The following NCALD variants were observed in gnomAD, a reference collection of about 807,000 sequenced individuals.
NCALD encodes the protein neurocalcin delta, also known as neurocalcin-delta.
A neutral mutation model predicts 18.6 loss-of-function variants in NCALD; 10 were observed. The ratio of observed to expected loss-of-function variants is 0.54; its 90% confidence interval spans 0.33 to 0.91. The LOEUF is 0.91. Among genes scored for constraint, NCALD ranks in the 40% least tolerant of loss-of-function variants. NCALD has a pLI of 0.03. For missense variants in NCALD, 184 were observed against 247.6 expected (o/e 0.74, Z 1.72); for synonymous variants, 88 against 87.4 (o/e 1.01, Z -0.04).
At chr8:101,701,490 G>A (rs770556167) in intron 2 of NCALD, among the ~76,000 whole-genome samples, 3 of 152,200 alleles carry the variant, frequency 2.0e-5, no homozygotes, top group Non-Finnish European at 4.4e-5. Flanking sequence ...AGCCAGGCTT[G>A]AGACAGCTCC....
In NCALD at chr8:101,947,487, T is replaced by C. The variant is rs529133055; in HGVS notation, c.-156-31629A>G. Among the ~76,000 whole-genome samples, 8 of 152,206 alleles carry C rather than the reference T, an allele frequency of 5.3e-5. No homozygotes were observed. In the East Asian group the frequency reaches 1.2e-3, roughly 22 times the overall value. ...CTGGCTCCTTCTGACTTCTTTCTGT[T>C]CCCTAATTTAAAAAAATTATTAAAG... On this transcript the variant is annotated intron_variant, in intron 2 of 6. Coordinates refer to the NCALD transcript ENST00000311028.
chr8:101,696,541 A>G (rs1304183416), intron 2 of NCALD, among the ~76,000 whole-genome samples: 2 of 152,216 alleles, frequency 1.3e-5, no homozygotes, highest in Non-Finnish European at 2.9e-5. Flanking sequence ...AAGGAGGTCA[A>G]CAGAGTGTGG....
At chr8:101,956,740 A>C (rs1819642414) in intron 2 of NCALD, among the ~76,000 whole-genome samples, 1 of 152,144 alleles carries the variant, frequency 6.6e-6, no homozygotes, top group Admixed American at 6.6e-5. Context: ...CCCCTACATA[A>C]CCTCACAAAA....
chr8:102,041,625 C>G (rs537641537), intron 1 of NCALD, among the ~76,000 whole-genome samples: 5 of 152,334 alleles, frequency 3.3e-5, no homozygotes, highest in African/African-American at 1.2e-4. Flanking sequence ...CTTTCAAAGC[C>G]AGTTTGATAC....
intron 4 of NCALD, among the ~76,000 whole-genome samples, chr8:101,842,455 T>C (rs1814684932): frequency 6.6e-6 from 1 of 152,246 alleles, no homozygotes; most frequent in Admixed American, 6.5e-5. Context: ...TTTGCTTTTA[T>C]CACTAACAAG....
chr8:102,074,538 A>G (rs1447470216), intron 1 of NCALD, among the ~76,000 whole-genome samples: 1 of 152,158 alleles, frequency 6.6e-6, no homozygotes, highest in Non-Finnish European at 1.5e-5. Context: ...ATTCTCTTCA[A>G]GATCTTAATT....
chr8:101,977,307 T>A (rs185499514), intron 2 of NCALD, among the ~76,000 whole-genome samples: 3 of 152,258 alleles, frequency 2.0e-5, no homozygotes, highest in Admixed American at 6.5e-5. Flanking sequence ...CCATTTTCTA[T>A]TTTTGTCCTA....
upstream of NCALD, among the ~76,000 whole-genome samples, chr8:101,795,194 A>T (rs1006891970): frequency 1.3e-5 from 2 of 152,222 alleles, no homozygotes; most frequent in Non-Finnish European, 2.9e-5. Context: ...TCTCACTGAA[A>T]TAACAAAAAT....
chr8:101,933,124 C>T (rs529445069), intron 2 of NCALD, among the ~76,000 whole-genome samples: 2 of 152,304 alleles, frequency 1.3e-5, no homozygotes, highest in South Asian at 4.1e-4. Context: ...TCTACCCTAA[C>T]CTAGGATCGC....
intron 2 of NCALD, among the ~76,000 whole-genome samples, chr8:101,949,572 G>T (rs1256594428): frequency 6.6e-6 from 1 of 152,012 alleles, no homozygotes; most frequent in East Asian, 1.9e-4. Flanking sequence ...AAGCTCCAAT[G>T]GTCAATCCAC....
At chr8:101,933,315 G>A (rs1789029637) in intron 2 of NCALD, among the ~76,000 whole-genome samples, 1 of 151,988 alleles carries the variant, frequency 6.6e-6, no homozygotes, top group South Asian at 2.1e-4. Flanking sequence ...GGAGCCATCA[G>A]AGTCAGGGGA....
chr8:102,027,700 G>A (rs528041464), intron 1 of NCALD, among the ~76,000 whole-genome samples: 2 of 152,196 alleles, frequency 1.3e-5, no homozygotes, highest in African/African-American at 4.8e-5. Context: ...GATTCTCATG[G>A]TGCTGTAAGG....
chr8:101,911,400 C>A (rs1201882128), intron 3 of NCALD, among the ~76,000 whole-genome samples: 1 of 150,140 alleles, frequency 6.7e-6, no homozygotes. Flanking sequence ...CTCTGTCGCC[C>A]AGGTTGGAGT....
At chr8:101,898,050 A>T (rs1220928186) in intron 3 of NCALD, among the ~76,000 whole-genome samples, 1 of 152,202 alleles carries the variant, frequency 6.6e-6, no homozygotes, top group Non-Finnish European at 1.5e-5. Context: ...CCATGTGAAG[A>T]AGGACATGTT....
intron 2 of NCALD, among the ~76,000 whole-genome samples, chr8:101,926,761 T>A (rs1057454425): frequency 1.3e-5 from 2 of 152,106 alleles, no homozygotes; most frequent in Admixed American, 1.3e-4. Flanking sequence ...GCCACTTGTA[T>A]CATGGCCAGG....
chr8:102,078,870 T>A (rs1824433865), intron 1 of NCALD, among the ~76,000 whole-genome samples: 1 of 152,264 alleles, frequency 6.6e-6, no homozygotes, highest in African/African-American at 2.4e-5. Context: ...ATTGCCTGAA[T>A]CTTCCACAGG....
chr8:101,783,343 A>G (rs565659193), intron 1 of NCALD, among the ~76,000 whole-genome samples: 15 of 152,310 alleles, frequency 9.8e-5, no homozygotes, highest in African/African-American at 3.6e-4. Flanking sequence ...ATTTCTGAGG[A>G]TTTCAAATGC....
intron 2 of NCALD, among the ~76,000 whole-genome samples, chr8:101,976,197 C>T (rs73279295): frequency 0.015 from 2,342 of 152,304 alleles, 48 homozygotes; most frequent in African/African-American, 0.048. Flanking sequence ...GGGTGCTGCA[C>T]TATCTCTAAA....
chr8:101,899,969 T>C (rs1368748815), intron 3 of NCALD, among the ~76,000 whole-genome samples: 1 of 151,936 alleles, frequency 6.6e-6, no homozygotes, highest in Non-Finnish European at 1.5e-5. Context: ...AAATGTCTTA[T>C]GGAATTTTCT....
Sources: allele counts gnomAD v4.1 joint callset (sites outside exome capture counted in the v4.1 genomes callset), GRCh38; gene constraint gnomAD v4.1.1; transcripts MANE v1.5; gene names NCBI Gene and HGNC (gene_info 2026-07-23, HGNC 2026-07-21).